QKI: variants seen among roughly 807,000 people sequenced by gnomAD.
QKI encodes KH domain-containing RNA-binding protein QKI.
QKI carries 10 observed loss-of-function variants against 39.0 expected under a neutral mutation model. That is an observed-to-expected ratio of 0.26 (90% CI 0.16 to 0.43). The LOEUF (loss-of-function observed/expected upper bound fraction) is 0.43. QKI is among the 20% of genes least tolerant of loss of function. The probability of loss-of-function intolerance (pLI) is 1.00; values close to 1 mark genes in which losing one functional copy is unlikely to be tolerated. For missense variants in QKI, 218 were observed against 428.0 expected (o/e 0.51, Z 4.33); for synonymous variants, 204 against 155.4 (o/e 1.31, Z -2.33).
chr6:163,510,026 G>A (rs1205751825), intron 3 of QKI, among the ~76,000 whole-genome samples: 2 of 151,746 alleles, frequency 1.3e-5, no homozygotes, highest in African/African-American at 4.8e-5. Flanking sequence ...ACCAGTCTGG[G>A]CAATATGTTG....
chr6:163,569,276 A>C (rs3756879), intron 7 of QKI: 1 of 1,010,692 alleles, frequency 9.9e-7, no homozygotes, highest in Non-Finnish European at 1.2e-6. Context: ...ACTGTTCTAA[A>C]TGATAGACTA....
At chr6:163,484,375 A>G (rs1262964143) in intron 3 of QKI, among the ~76,000 whole-genome samples, 1 of 151,776 alleles carries the variant, frequency 6.6e-6, no homozygotes, top group South Asian at 2.1e-4. Flanking sequence ...AATTTTTTGT[A>G]TTTTTAGTAG....
At chr6:163,559,291 T>C (rs1782844353) in intron 4 of QKI, among the ~76,000 whole-genome samples, 1 of 152,250 alleles carries the variant, frequency 6.6e-6, no homozygotes, top group African/African-American at 2.4e-5. Context: ...CTATGGTAGA[T>C]GACTGGAGGT....
intron 1 of QKI, among the ~76,000 whole-genome samples, chr6:163,424,946 C>T (rs1422375618): frequency 6.6e-6 from 1 of 152,112 alleles, no homozygotes; most frequent in East Asian, 1.9e-4. Flanking sequence ...CATCTGCTTT[C>T]TATCAACATT....
At chr6:163,542,982 A>C (rs1781637500) in intron 4 of QKI, among the ~76,000 whole-genome samples, 1 of 151,858 alleles carries the variant, frequency 6.6e-6, no homozygotes, top group Non-Finnish European at 1.5e-5. Context: ...GGCATCTGTT[A>C]CAAAATGCAC....
At chr6:163,422,547 T>C (rs1217024141) in intron 1 of QKI, among the ~76,000 whole-genome samples, 2 of 152,208 alleles carry the variant, frequency 1.3e-5, no homozygotes, top group African/African-American at 4.8e-5. Context: ...GTTATGATCA[T>C]GCTACTGCGC....
intron 2 of QKI, chr6:163,457,684 T>TAG: frequency 3.1e-6 from 1 of 321,246 alleles, no homozygotes; most frequent in East Asian, 8.1e-5. Context: ...GGCTGACAGG[T>TAG]AGGTGATCAT....
At chr6:163,538,324 T>C (rs1013661789) in intron 4 of QKI, among the ~76,000 whole-genome samples, 2 of 152,058 alleles carry the variant, frequency 1.3e-5, no homozygotes, top group African/African-American at 4.8e-5. Flanking sequence ...CGAAGAAAAA[T>C]AAAGCAGAAT....
intron 1 of QKI, among the ~76,000 whole-genome samples, chr6:163,443,890 T>A (rs192592572): frequency 1.3e-5 from 2 of 152,282 alleles, no homozygotes; most frequent in Admixed American, 1.3e-4. Context: ...CCTTCAGAAT[T>A]TTTGGGGCAT....
intron 7 of QKI, chr6:163,568,248 T>C (rs1783487853): frequency 1.0e-6 from 1 of 985,080 alleles, no homozygotes; most frequent in Admixed American, 6.2e-5. Context: ...TAAAGTAGTT[T>C]TTTTCCCCCA....
intron 4 of QKI, among the ~76,000 whole-genome samples, chr6:163,540,800 A>C (rs1273473829): frequency 6.6e-6 from 1 of 152,086 alleles, no homozygotes; most frequent in Non-Finnish European, 1.5e-5. Context: ...CAAAACATGA[A>C]ATAACTAGGC....
At chr6:163,466,806 C>T (rs755044045) in intron 2 of QKI, among the ~76,000 whole-genome samples, 1 of 152,054 alleles carries the variant, frequency 6.6e-6, no homozygotes, top group Non-Finnish European at 1.5e-5. Flanking sequence ...GTATTTGATA[C>T]TGGTCTTGGT....
At chr6:163,518,526 T>A (rs1302241014) in intron 3 of QKI, among the ~76,000 whole-genome samples, 1 of 152,186 alleles carries the variant, frequency 6.6e-6, no homozygotes, top group Non-Finnish European at 1.5e-5. Context: ...CATTCAGGCT[T>A]CTTGCATATA....
chr6:163,535,272 C>A, intron 4 of QKI, 147 bp downstream of exon 4: 1 of 799,276 alleles, frequency 1.3e-6, no homozygotes, highest in East Asian at 3.1e-5. Context: ...ACTGATACTT[C>A]TAACATAATA....
At chr6:163,480,259 T>TTCTC (rs372934674) in intron 3 of QKI, among the ~76,000 whole-genome samples, 25 of 149,552 alleles carry the variant, frequency 1.7e-4, no homozygotes, top group African/African-American at 4.2e-4. Context: ...GTCTGTCTCT[T>TTCTC]TCTCTCTCTC....
chr6:163,451,862 C>G (rs573090558), intron 1 of QKI, among the ~76,000 whole-genome samples: 1 of 152,284 alleles, frequency 6.6e-6, no homozygotes, highest in African/African-American at 2.4e-5. Context: ...AGGACTAAAG[C>G]ATTTCCCAAA....
intron 3 of QKI, among the ~76,000 whole-genome samples, chr6:163,512,865 C>G (rs923137232): frequency 6.6e-6 from 1 of 151,978 alleles, no homozygotes; most frequent in Non-Finnish European, 1.5e-5. Context: ...TATGTTTTAA[C>G]TTAAGCATCT....
At chr6:163,530,779 A>C (rs1780800203) in intron 3 of QKI, among the ~76,000 whole-genome samples, 2 of 152,138 alleles carry the variant, frequency 1.3e-5, no homozygotes, top group African/African-American at 4.8e-5. Flanking sequence ...AGGTGCTTTT[A>C]GTGTTTACTT....
chr6:163,439,553 C>T (rs1359377681), intron 1 of QKI, among the ~76,000 whole-genome samples: 5 of 151,362 alleles, frequency 3.3e-5, no homozygotes, highest in South Asian at 2.1e-4. Context: ...GGGGTTTCAC[C>T]GTGTTGGCCA....
Sources: gnomAD v4.1 joint callset for allele counts (sites outside exome capture counted in the v4.1 genomes callset) on GRCh38, gnomAD v4.1.1 for gene constraint, MANE v1.5 for transcripts, NCBI Gene and HGNC (gene_info 2026-07-23, HGNC 2026-07-21) for gene names.